MAML3: variants seen among roughly 807,000 people sequenced by gnomAD.
MAML3 encodes the protein mastermind-like protein 3.
A neutral mutation model predicts 101.9 loss-of-function variants in MAML3; 27 were observed. The observed-to-expected ratio is 0.27, with a 90% CI of 0.20 to 0.37. MAML3 has a LOEUF of 0.37. Ranked by LOEUF, MAML3 falls within the 10% of genes least tolerant of loss-of-function variation. MAML3 has a pLI of 1.00. For synonymous variants in MAML3, 501 were observed against 555.9 expected (o/e 0.90, Z 1.39); for missense variants, 1,316 against 1,444.9 (o/e 0.91, Z 1.45).
chr4:139,911,857 A>C (rs72712522), intron 1 of MAML3, among the ~76,000 whole-genome samples: 41,227 of 152,170 alleles, frequency 0.27, 6,914 homozygotes, highest in East Asian at 0.57. Flanking sequence ...CAGAACTGTA[A>C]GAAATAAGTT....
At chr4:139,802,716 A>C (rs775664214) in intron 2 of MAML3, among the ~76,000 whole-genome samples, 1 of 152,224 alleles carries the variant, frequency 6.6e-6, no homozygotes, top group Non-Finnish European at 1.5e-5. Flanking sequence ...AGTGGGGTCA[A>C]GTCTGGGCTG....
chr4:140,038,200 A>G (rs1727020141), intron 1 of MAML3, among the ~76,000 whole-genome samples: 1 of 146,438 alleles, frequency 6.8e-6, no homozygotes, highest in Admixed American at 6.8e-5. Context: ...ACGCAAAAAC[A>G]TTCCAAAACC....
Position 140,133,849 on chromosome 4 carries a change from T to C in MAML3, c.468+19011A>G, listed in dbSNP as rs72935798. Among the ~76,000 whole-genome samples the C allele has an allele frequency of 2.1e-3, 323 of 152,324 alleles. 2 individuals carry two copies. The highest frequency in any genetic ancestry group is 6.4e-3 in the African/African-American group (266 of 41,590). ...TGCATAATCAGAATGTCTGTCTCAT[T>C]CTGTAAACATAAAATGGCTGTATGT... On this transcript the variant is annotated intron_variant, in intron 1 of 4. Coordinates refer to ENST00000509479, the MANE Select transcript of MAML3 (RefSeq NM_018717.5).
chr4:139,897,229 C>T (rs1332777489), intron 1 of MAML3, among the ~76,000 whole-genome samples: 3 of 152,212 alleles, frequency 2.0e-5, no homozygotes, highest in Non-Finnish European at 4.4e-5. Context: ...CTCTCCTGCT[C>T]CCAATGATTC....
At chr4:139,749,128 A>T (rs1729418804) in intron 2 of MAML3, among the ~76,000 whole-genome samples, 1 of 152,216 alleles carries the variant, frequency 6.6e-6, no homozygotes, top group African/African-American at 2.4e-5. Context: ...TTTTCTTCAA[A>T]TTGAGAAAAG....
rs17005523 is a variant in MAML3, at chr4:140,067,051, A to G, written c.468+85809T>C. 9.5e-3 allele frequency among the ~76,000 whole-genome samples: 1,453 copies of G among 152,342 alleles called. 23 individuals carry two copies. Among genetic ancestry groups the G allele is most frequent in the African/African-American group, 0.033 (1,355 of 41,568 alleles). ...ATAATGTTCATCTATGAATCCCTGA[A>G]TAATACATTTTGGCATGCCTTTTCT... On this transcript the variant is annotated intron_variant, in intron 1 of 4. Coordinates refer to ENST00000509479, the MANE Select transcript of MAML3 (RefSeq NM_018717.5).
chr4:140,083,362 A>G (rs1292075253), intron 1 of MAML3, among the ~76,000 whole-genome samples: 1 of 152,236 alleles, frequency 6.6e-6, no homozygotes, highest in Non-Finnish European at 1.5e-5. Flanking sequence ...TGCTCTGCAA[A>G]TGATTTCTGA....
chr4:140,138,105 G>T (rs1728924731), intron 1 of MAML3, among the ~76,000 whole-genome samples: 1 of 152,174 alleles, frequency 6.6e-6, no homozygotes, highest in African/African-American at 2.4e-5. Flanking sequence ...TAGCTTGAAT[G>T]CCAGACATCC....
chr4:140,132,854 C>T (rs1728818283), intron 1 of MAML3, among the ~76,000 whole-genome samples: 2 of 152,206 alleles, frequency 1.3e-5, no homozygotes, highest in South Asian at 4.1e-4. Flanking sequence ...ACATATGCAA[C>T]TGTACCCTCC....
intron 1 of MAML3, among the ~76,000 whole-genome samples, chr4:139,931,130 G>A (rs978908151): frequency 6.6e-6 from 1 of 152,122 alleles, no homozygotes; most frequent in African/African-American, 2.4e-5. Context: ...TGTGAGCCCA[G>A]TGTGAAATGA....
chr4:140,011,339 TTTG>T (rs1271302311), intron 1 of MAML3, among the ~76,000 whole-genome samples: 1 of 94,790 alleles, frequency 1.1e-5, no homozygotes, highest in Non-Finnish European at 2.8e-5. Context: ...GTTTTCTTGT[TTTG>T]TTTTTTTTTT....
At chr4:139,939,153 C>A (rs1409071434) in intron 1 of MAML3, among the ~76,000 whole-genome samples, 1 of 152,224 alleles carries the variant, frequency 6.6e-6, no homozygotes, top group Non-Finnish European at 1.5e-5. Context: ...TCATCTGAGG[C>A]TACCTCTTTA....
chr4:139,719,504 C>T lies in MAML3; in HGVS notation c.3236G>A (p.Ser1079Asn), dbSNP rs776317245. Residue 1079 changes from serine to asparagine, a missense_variant, in exon 5 of 5, where the codon AGC (serine) becomes AAC (asparagine). Ser to Asn is a conservative substitution (Grantham distance 46). Coordinates refer to ENST00000509479, the MANE Select transcript of MAML3 (RefSeq NM_018717.5). Reference sequence around the variant, plus strand: ...ATTCCGCTCATAGGCTTGGCTCTGGCTGCTTGGAGCAAAGCTGCCACTGGG... The same window carrying T: ...ATTCCGCTCATAGGCTTGGCTCTGGTTGCTTGGAGCAAAGCTGCCACTGGG... ...QIPSGSFAPSSQSQAYERNAP... is the reference protein window; with the variant it reads ...QIPSGSFAPSNQSQAYERNAP... 6.2e-7 allele frequency: 1 copy of T among 1,613,974 alleles called. No individual in the cohort carries two copies. The highest frequency in any genetic ancestry group is 8.5e-7 in the Non-Finnish European group (1 of 1,179,868).
intron 1 of MAML3, among the ~76,000 whole-genome samples, chr4:139,953,782 A>C (rs1393404174): frequency 6.6e-6 from 1 of 152,170 alleles, no homozygotes; most frequent in Non-Finnish European, 1.5e-5. Flanking sequence ...TTGAAAACTC[A>C]AGGGAGGGGT....
intron 1 of MAML3, among the ~76,000 whole-genome samples, chr4:140,049,873 G>A (rs971683626): frequency 7.4e-6 from 1 of 135,928 alleles, no homozygotes; most frequent in Non-Finnish European, 1.6e-5. Flanking sequence ...AATTGGCTAC[G>A]TAATCACAGG....
Position 139,730,461 on chromosome 4 carries a change from T to A in MAML3, c.2286A>T (p.Gln762His). 1 of 1,552,138 alleles carries A rather than the reference T, an allele frequency of 6.4e-7. No individual in the cohort carries two copies. Among genetic ancestry groups the A allele is most frequent in the Middle Eastern group, 1.7e-4 (1 of 5,994 alleles). ...EQQKQQFLREQRQQQQQQQQQ... is the reference protein window; with the variant it reads ...EQQKQQFLREHRQQQQQQQQQ... The stretch of plus-strand genomic sequence containing the variant: ...GCTGCTGCTGCTGCTGCTGCTGCCT[T>A]TGCTCCCGCAGGAACTGTTGCTTCT... Residue 762 changes from glutamine to histidine, a missense_variant, in exon 3 of 5, where the codon CAA becomes CAT. Transcript: ENST00000509479.
At chr4:139,721,121 C>T (rs184131885) in intron 4 of MAML3, among the ~76,000 whole-genome samples, 72 of 152,336 alleles carry the variant, frequency 4.7e-4, no homozygotes, top group Admixed American at 7.8e-4. Context: ...ACAGCAAAGT[C>T]CATTCCTTCA....
chr4:139,959,708 C>T (rs1488761104), intron 1 of MAML3, among the ~76,000 whole-genome samples: 1 of 152,160 alleles, frequency 6.6e-6, no homozygotes, highest in Non-Finnish European at 1.5e-5. Flanking sequence ...AAAGAACTAT[C>T]TGGGATCATG....
intron 1 of MAML3, among the ~76,000 whole-genome samples, chr4:140,069,649 GAGGAGA>G (rs965092857): frequency 1.3e-4 from 19 of 147,372 alleles, no homozygotes; most frequent in East Asian, 6.1e-4. Flanking sequence ...GAAGAAGGAG[GAGGAGA>G]AGGAGAAGGA....
Sources: allele counts gnomAD v4.1 joint callset (sites outside exome capture counted in the v4.1 genomes callset), GRCh38; gene constraint gnomAD v4.1.1; transcripts MANE v1.5; gene names NCBI Gene and HGNC (gene_info 2026-07-23, HGNC 2026-07-21).